Variants in ACTR3B observed in about 807,000 individuals in gnomAD.
The protein encoded by ACTR3B is actin related protein 3B, also known as actin-related protein 3B.
Under a neutral mutation model 59.0 loss-of-function variants are expected in ACTR3B, and 8 were observed. That is an observed-to-expected ratio of 0.14 (90% CI 0.08 to 0.24). The LOEUF is 0.24. ACTR3B is among the 10% of genes least tolerant of loss of function. The pLI is 1.00. For missense variants in ACTR3B, 245 were observed against 552.3 expected, an observed-to-expected ratio of 0.44 and a Z score of 5.58; for synonymous variants, 148 against 197.9, an observed-to-expected ratio of 0.75 and a Z score of 2.12.
At chr7:152,778,943 C>CAAAAAAAAAAAAAAAAAA (rs59789390) in intron 1 of ACTR3B, among the ~76,000 whole-genome samples, 1 of 36,826 alleles carries the variant, frequency 2.7e-5, no homozygotes, top group Non-Finnish European at 4.4e-5. Context: ...ACTGTGTCTC[C>CAAAAAAAAAAAAAAAAAA]AAAAAAAAAA....
intron 6 of ACTR3B, among the ~76,000 whole-genome samples, chr7:152,818,126 C>T (rs1450991973): frequency 4.6e-5 from 7 of 152,308 alleles, no homozygotes; most frequent in Admixed American, 2.0e-4. Flanking sequence ...CTCAGGCTTC[C>T]GTTTCCTCAG....
chr7:152,762,467 G>A (rs917568432), intron 1 of ACTR3B, among the ~76,000 whole-genome samples: 29 of 152,160 alleles, frequency 1.9e-4, no homozygotes, highest in African/African-American at 6.5e-4. Context: ...GTCACTCTCT[G>A]TATGTCCATA....
At chr7:152,767,591 A>G (rs116868012) in intron 1 of ACTR3B, among the ~76,000 whole-genome samples, 5,189 of 152,308 alleles carry the variant, frequency 0.034, 129 homozygotes, top group Non-Finnish European at 0.054. Flanking sequence ...GAGCATCATT[A>G]TCTGTATAAT....
chr7:152,766,078 G>A (rs1177909697), intron 1 of ACTR3B, among the ~76,000 whole-genome samples: 1 of 152,006 alleles, frequency 6.6e-6, no homozygotes, highest in East Asian at 1.9e-4. Flanking sequence ...CATGTATTAA[G>A]GTCTGTTCAG....
chr7:152,847,727 C>T (rs1000924278), intron 9 of ACTR3B, among the ~76,000 whole-genome samples: 69 of 152,278 alleles, frequency 4.5e-4, no homozygotes, highest in Non-Finnish European at 1.3e-4. Flanking sequence ...AGAGGCCCCT[C>T]GTGGCTCTGA....
chr7:152,799,778 TC>T (rs886413219), intron 2 of ACTR3B, among the ~76,000 whole-genome samples: 1 of 152,226 alleles, frequency 6.6e-6, no homozygotes, highest in African/African-American at 2.4e-5. Context: ...ATGGGAGAGC[TC>T]AAGAGTGTGA....
chr7:152,763,663 A>G (rs1312715521), intron 1 of ACTR3B, among the ~76,000 whole-genome samples: 1 of 152,116 alleles, frequency 6.6e-6, no homozygotes, highest in African/African-American at 2.4e-5. Flanking sequence ...ATCTCAAGCA[A>G]TCCACCCGCC....
chr7:152,800,483 A>G, intron 2 of ACTR3B, 48 bp from the exon 3 acceptor site: 1 of 1,594,634 alleles, frequency 6.3e-7, no homozygotes, highest in Non-Finnish European at 8.5e-7. Flanking sequence ...GATCATTTAA[A>G]TAGATATGGA....
Position 152,853,560 on chromosome 7 carries a change from T to A in ACTR3B, c.1144T>A (p.Ser382Thr). The A allele has an allele frequency of 6.2e-7, 1 of 1,613,858 alleles. No homozygotes were observed. Among genetic ancestry groups the A allele is most frequent in the Non-Finnish European group, 8.5e-7 (1 of 1,179,914 alleles). Residue 382 changes from serine (S) to threonine (T), a missense_variant, in exon 11 of 12, where the codon TCC becomes ACC. This residue lies in a region of ACTR3B where 153 missense variants were observed against 266.2 expected (regional missense o/e 0.57). Coordinates refer to ENST00000256001, the MANE Select transcript of ACTR3B (RefSeq NM_020445.6). ...GCGCTACGCCGTGTGGTTCGGAGGC[T>A]CCATGCTGGCCTCGACTGTAAGTCC... ...MQRYAVWFGG[S>T]MLASTPEFFQ...
At chr7:152,777,165 A>G (rs1017034500) in intron 1 of ACTR3B, among the ~76,000 whole-genome samples, 1 of 152,128 alleles carries the variant, frequency 6.6e-6, no homozygotes, top group African/African-American at 2.4e-5. Flanking sequence ...TTAACCCTTT[A>G]CTATCACCTG....
intron 4 of ACTR3B, among the ~76,000 whole-genome samples, chr7:152,806,828 C>T (rs1233726952): frequency 3.3e-5 from 5 of 152,204 alleles, no homozygotes; most frequent in Non-Finnish European, 7.3e-5. Flanking sequence ...TGCCATTTCC[C>T]ATCATAGATC....
At chr7:152,778,711 G>T (rs1395446813) in intron 1 of ACTR3B, among the ~76,000 whole-genome samples, 1 of 151,666 alleles carries the variant, frequency 6.6e-6, no homozygotes, top group Non-Finnish European at 1.5e-5. Context: ...AGGCCAAGGT[G>T]GGAGGATCCC....
chr7:152,831,451 G>A (rs143827153), intron 9 of ACTR3B, among the ~76,000 whole-genome samples: 4,064 of 152,352 alleles, frequency 0.027, 70 homozygotes, highest in Middle Eastern at 0.044. Flanking sequence ...AGTGGTGCTC[G>A]GTGGTGATGG....
chr7:152,814,783 C>G (rs995775913), intron 5 of ACTR3B, 138 bp downstream of exon 5: 2 of 788,324 alleles, frequency 2.5e-6, no homozygotes, highest in African/African-American at 3.5e-5. Context: ...GTCCCCATGC[C>G]ATTCAGGACT....
At chr7:152,814,260 G>T (rs1284359415) in intron 4 of ACTR3B, 2 of 319,712 alleles carry the variant, frequency 6.3e-6, no homozygotes, top group African/African-American at 2.3e-5. Flanking sequence ...CAGTTTCGGG[G>T]TGTTTAGGTG....
chr7:152,834,763 T>A (rs2689564), intron 9 of ACTR3B, among the ~76,000 whole-genome samples: 1 of 152,348 alleles, frequency 6.6e-6, no homozygotes. Context: ...TGGCATACAC[T>A]GGAGTCTGTA....
intron 9 of ACTR3B, among the ~76,000 whole-genome samples, chr7:152,833,000 AAG>A (rs1452015142): frequency 2.6e-5 from 4 of 152,136 alleles, no homozygotes; most frequent in Non-Finnish European, 5.9e-5. Context: ...GGAAGTCAAG[AAG>A]GAGTCGCCTG....
intron 4 of ACTR3B, among the ~76,000 whole-genome samples, chr7:152,808,823 G>A (rs2098260453): frequency 6.6e-6 from 1 of 152,086 alleles, no homozygotes; most frequent in South Asian, 2.1e-4. Context: ...ACTTCTATGT[G>A]CCCAGCCCCA....
intron 1 of ACTR3B, among the ~76,000 whole-genome samples, chr7:152,771,252 G>A (rs1293550593): frequency 1.3e-5 from 2 of 152,158 alleles, no homozygotes; most frequent in African/African-American, 4.8e-5. Context: ...ACTGTGCCTG[G>A]CTAGAATGGA....
Sources: gnomAD v4.1 joint callset for allele counts (sites outside exome capture counted in the v4.1 genomes callset) on GRCh38, gnomAD v4.1.1 for gene constraint, gnomAD v4.1.1 regional missense constraint, MANE v1.5 for transcripts, NCBI Gene and HGNC (gene_info 2026-07-23, HGNC 2026-07-21) for gene names.